Variants in IL2RA observed in about 807,000 individuals in gnomAD.
IL2RA encodes interleukin-2 receptor subunit alpha.
Under a neutral mutation model 37.8 loss-of-function variants are expected in IL2RA, and 24 were observed. The observed-to-expected ratio is 0.63, with a 90% CI of 0.46 to 0.89. The LOEUF (loss-of-function observed/expected upper bound fraction) is 0.89. Among genes scored for constraint, IL2RA ranks in the 40% least tolerant of loss-of-function variants. IL2RA has a pLI of 0.00. For missense variants in IL2RA, 319 were observed against 348.6 expected, an observed-to-expected ratio of 0.92 and a Z score of 0.68; for synonymous variants, 125 against 114.6, an observed-to-expected ratio of 1.09 and a Z score of -0.58.
chr10:6,024,562 C>T (rs1240005727), intron 2 of IL2RA, among the ~76,000 whole-genome samples: 1 of 152,114 alleles, frequency 6.6e-6, no homozygotes, highest in Admixed American at 6.5e-5. Context: ...GCAATGCCCA[C>T]GACATGTTTT....
chr10:6,051,843 A>ATATATATATATATATATATATAT (rs1839968057), intron 1 of IL2RA, among the ~76,000 whole-genome samples: 1 of 128,064 alleles, frequency 7.8e-6, no homozygotes, highest in Non-Finnish European at 1.7e-5. Context: ...ATATATATAT[A>ATATATATATATATATATATATAT]GAATTTTTTA....
chr10:6,016,222 C>T (rs1342591586), intron 7 of IL2RA, among the ~76,000 whole-genome samples: 1 of 152,206 alleles, frequency 6.6e-6, no homozygotes, highest in East Asian at 1.9e-4. Flanking sequence ...TCAGCCCCTC[C>T]TGCTGTCTCT....
At chr10:6,052,721 C>T (rs974647711) in intron 1 of IL2RA, among the ~76,000 whole-genome samples, 5 of 152,180 alleles carry the variant, frequency 3.3e-5, no homozygotes, top group African/African-American at 1.2e-4. Flanking sequence ...GCAGCGGCTT[C>T]TGAAGGAGGT....
rs1313241029 is a variant in IL2RA at position 6,036,244 on chromosome 10, C to T, written c.65-10219G>A. On this transcript the variant is annotated intron_variant, in intron 1 of 7. Coordinates refer to ENST00000379959, the MANE Select transcript of IL2RA (RefSeq NM_000417.3). The surrounding 1 kb of genome is among the most constrained non-coding windows in gnomAD (Gnocchi z 6.1). The stretch of plus-strand genomic sequence containing the variant: ...CACAGATGACCAGAATGACCTCACC[C>T]AGGACAAACGGCGACAGATTTAGGA... The T allele has an allele frequency of 6.6e-6, 1 of 152,284 alleles. No homozygotes were observed. Among genetic ancestry groups the T allele is most frequent in the Non-Finnish European group, 1.5e-5 (1 of 68,082 alleles). 9.4% of individuals were successfully genotyped at this position (152,284 alleles called of 1,614,324 possible).
rs761616711 is a variant in IL2RA at position 6,024,233 on chromosome 10, T to G, written c.367+11A>C. ...AGCAGGAGTTAGCTGGAGGACAGAT[T>G]CATCTCTCACCTGGAAGGCTCGCTT... On this transcript the variant is annotated intron_variant, in intron 3 of 7. Coordinates refer to ENST00000379959, the MANE Select transcript of IL2RA (RefSeq NM_000417.3). 3.2e-6 allele frequency: 5 copies of G among 1,573,392 alleles called. No individual in the cohort carries two copies. The highest frequency in any genetic ancestry group is 2.2e-5 in the South Asian group (2 of 90,278).
chr10:6,024,199 G>T (rs1413010851), intron 3 of IL2RA, 45 bp downstream of exon 3: 35 of 1,248,288 alleles, frequency 2.8e-5, no homozygotes, highest in Non-Finnish European at 3.9e-5. Flanking sequence ...TGCAGGAGAA[G>T]GGTGCGCTAG....
chr10:6,012,750 G>A lies in IL2RA; in HGVS notation c.*122C>T, dbSNP rs1456561434. On this transcript the variant is annotated 3_prime_UTR_variant, in exon 8 of 8. Transcript: ENST00000379959. This position sits in a 1 kb window ranked among gnomAD's most constrained non-coding sequence, Gnocchi z 4.8. ...GATGTGACTTCAGAGCTTCCAAAAC[G>A]CAGGCAAGCACAACGGATGTCTCCT... 1.1e-5 allele frequency: 11 copies of A among 1,020,292 alleles called. No homozygotes were observed. The highest frequency in any genetic ancestry group is 1.8e-5 in the Admixed American group (1 of 57,074). 63.2% of individuals were successfully genotyped at this position (1,020,292 alleles called of 1,614,324 possible). A position where few individuals can be genotyped will look rare whatever the true frequency, so the allele number is the denominator to read the frequency against.
intron 1 of IL2RA, among the ~76,000 whole-genome samples, chr10:6,032,536 C>A (rs947720996): frequency 6.6e-6 from 1 of 151,468 alleles, no homozygotes; most frequent in Non-Finnish European, 1.5e-5. Flanking sequence ...ACTAAAAATA[C>A]AAAAAAATTA....
intron 1 of IL2RA, among the ~76,000 whole-genome samples, chr10:6,040,886 A>T (rs1839761141): frequency 1.3e-5 from 2 of 152,242 alleles, no homozygotes; most frequent in Admixed American, 6.5e-5. Flanking sequence ...TAAGAGTTTC[A>T]TAAGGTGGCC....
intron 1 of IL2RA, among the ~76,000 whole-genome samples, chr10:6,030,449 C>T (rs1347385409): frequency 6.6e-6 from 1 of 152,220 alleles, no homozygotes; most frequent in East Asian, 1.9e-4. Context: ...CAACTGACTT[C>T]TCAACAGAAA....
rs777493737 is a variant in IL2RA, at chr10:6,024,374, T to C, written c.257-20A>G. ...GAGTGGCTAGAAAATATAGATGGAA[T>C]GATGCAGATAATTTCACAAATGCTT... On this transcript the variant is annotated intron_variant, in intron 2 of 7. Coordinates refer to ENST00000379959, the MANE Select transcript of IL2RA (RefSeq NM_000417.3). 12 of 1,514,280 alleles carry C rather than the reference T, an allele frequency of 7.9e-6. No homozygotes were observed. The African/African-American group carries it at 1.2e-4, about 16-fold the overall frequency. 93.8% of individuals were successfully genotyped at this position (1,514,280 alleles called of 1,614,324 possible).
At chr10:6,031,480 A>ATG (rs1839583372) in intron 1 of IL2RA, among the ~76,000 whole-genome samples, 3 of 31,006 alleles carry the variant, frequency 9.7e-5, no homozygotes, top group Non-Finnish European at 1.7e-4. Flanking sequence ...ATATATATAT[A>ATG]TATATATATA....
In IL2RA at chr10:6,019,866, G is replaced by A. The variant is rs373973017; in HGVS notation, c.655+4C>T. On this transcript the variant is annotated splice_donor_region_variant and intron_variant, in intron 5 of 7. Coordinates refer to ENST00000379959, the MANE Select transcript of IL2RA (RefSeq NM_000417.3). ...TGTGGTCCAGCGTTTGTCTTCTCCC[G>A]CACCTGTTGTTGTGACGAGGCAGGA... 6.2e-5 allele frequency: 100 copies of A among 1,613,444 alleles called. No individual in the cohort carries two copies. The highest frequency in any genetic ancestry group is 4.7e-4 in the Admixed American group (28 of 60,008).
chr10:6,015,177 C>G lies in IL2RA; in HGVS notation c.795-2281G>C, dbSNP rs1392477081. 1.3e-5 allele frequency among the ~76,000 whole-genome samples: 2 copies of G among 151,794 alleles called. No individual in the cohort carries two copies. Among genetic ancestry groups the G allele is most frequent in the Non-Finnish European group, 2.9e-5 (2 of 67,952 alleles). On this transcript the variant is annotated intron_variant, in intron 7 of 7. Transcript: ENST00000379959. The surrounding 1 kb of genome is among the most constrained non-coding windows in gnomAD (Gnocchi z 4.9). The stretch of plus-strand genomic sequence containing the variant: ...GTACGATCTCAGCTCACTGCAGCCT[C>G]TGCCTCCTGGGTTCAAGCGATTCTC...
chr10:6,016,143 G>T (rs549370191), intron 7 of IL2RA, among the ~76,000 whole-genome samples: 2 of 147,608 alleles, frequency 1.4e-5, no homozygotes, highest in Admixed American at 6.6e-5. Flanking sequence ...TGATCAGGTC[G>T]CGAGGGCTCT....
At position 6,012,780 on chromosome 10, in the gene IL2RA, G is replaced by A. The variant is rs972136274; in HGVS notation, c.*92C>T. 10 of 1,331,538 alleles carry A rather than the reference G, an allele frequency of 7.5e-6. No individual in the cohort carries two copies. In the African/African-American group the frequency reaches 8.7e-5, roughly 12 times the overall value. 82.5% of individuals were successfully genotyped at this position (1,331,538 alleles called of 1,614,324 possible). A position where few individuals can be genotyped will look rare whatever the true frequency, so the allele number is the denominator to read the frequency against. On this transcript the variant is annotated 3_prime_UTR_variant, in exon 8 of 8. Transcript: ENST00000379959. The surrounding 1 kb of genome is among the most constrained non-coding windows in gnomAD (Gnocchi z 4.8). ...CAAGCACAACGGATGTCTCCTGGGC[G>A]ACCATTTAGCACCTTTGATTTCACT...
In IL2RA at chr10:6,021,907, G is replaced by A. The variant is rs1228742409; in HGVS notation, c.368-214C>T. 1.3e-5 allele frequency among the ~76,000 whole-genome samples: 2 copies of A among 152,222 alleles called. No homozygotes were observed. The highest frequency in any genetic ancestry group is 3.8e-4 in the East Asian group (2 of 5,200). ...GAAGACCCTGTCACTCCTGCAAGGG[G>A]TGGACAGTGGATTGGGTAAGAAAGG... On this transcript the variant is annotated intron_variant, in intron 3 of 7. Transcript: ENST00000379959. The surrounding 1 kb of genome is among the most constrained non-coding windows in gnomAD (Gnocchi z 4.9).
chr10:6,038,764 G>A (rs1042072180), intron 1 of IL2RA, among the ~76,000 whole-genome samples: 1 of 152,172 alleles, frequency 6.6e-6, no homozygotes, highest in African/African-American at 2.4e-5. Flanking sequence ...TGAGAGGAAG[G>A]CTATGATATT....
chr10:6,032,232 C>G (rs1370338367), intron 1 of IL2RA, among the ~76,000 whole-genome samples: 1 of 151,892 alleles, frequency 6.6e-6, no homozygotes, highest in Non-Finnish European at 1.5e-5. Context: ...AGGTCTATAT[C>G]TTATAGATGT....
Sources: gnomAD v4.1 joint callset for allele counts (sites outside exome capture counted in the v4.1 genomes callset) on GRCh38, gnomAD v4.1.1 for gene constraint, Gnocchi (gnomAD v3.1) non-coding constraint, MANE v1.5 for transcripts, NCBI Gene and HGNC (gene_info 2026-07-23, HGNC 2026-07-21) for gene names.